Variants in AMBRA1 observed in about 807,000 individuals in gnomAD.
AMBRA1 encodes activating molecule in BECN1-regulated autophagy protein 1.
Under a neutral mutation model 125.4 loss-of-function variants are expected in AMBRA1, and 47 were observed. That is an observed-to-expected ratio of 0.37 (90% CI 0.30 to 0.48). The LOEUF (loss-of-function observed/expected upper bound fraction) is 0.48, where lower values mean the gene tolerates loss of function less well. AMBRA1 is among the 20% of genes least tolerant of loss of function. The pLI, the probability that AMBRA1 is intolerant of heterozygous loss-of-function variation, is 0.99. For synonymous variants in AMBRA1, 626 were observed against 655.5 expected (o/e 0.95, Z 0.69); for missense variants, 1,331 against 1,693.4 (o/e 0.79, Z 3.76).
At chr11:46,490,155 T>A (rs972827723) in intron 11 of AMBRA1, among the ~76,000 whole-genome samples, 4 of 152,242 alleles carry the variant, frequency 2.6e-5, no homozygotes, top group African/African-American at 9.6e-5. Flanking sequence ...TGCTACAATG[T>A]CAGCAGGGGG....
At chr11:46,494,302 TA>T in intron 9 of AMBRA1, 98 bp from the exon 10 acceptor site, 6 of 991,052 alleles carry the variant, frequency 6.1e-6, no homozygotes, top group Non-Finnish European at 9.1e-6. Flanking sequence ...TTCTTACACT[TA>T]GGAGAGGACC....
In AMBRA1 at chr11:46,475,850, A is replaced by G. The variant is rs1048333179; in HGVS notation, c.2521+17758T>C. Among the ~76,000 whole-genome samples, 4 of 152,242 alleles carry G rather than the reference A, an allele frequency of 2.6e-5. No individual in the cohort carries two copies. In the East Asian group the frequency reaches 7.7e-4, roughly 29 times the overall value. On this transcript the variant is annotated intron_variant, in intron 11 of 17. Coordinates refer to ENST00000683756, the MANE Select transcript of AMBRA1 (RefSeq NM_001387011.1). ...CAGGAAACTGTGGCATTCACAAGAA[A>G]GAAGGCAAAGAAAGCAGGCAGCTTC...
intron 12 of AMBRA1, among the ~76,000 whole-genome samples, chr11:46,442,163 G>A (rs1948045639): frequency 1.3e-5 from 2 of 150,884 alleles, no homozygotes; most frequent in African/African-American, 4.9e-5. Flanking sequence ...TTTTTTTGGA[G>A]ATAGGGTGTC....
intron 11 of AMBRA1, among the ~76,000 whole-genome samples, chr11:46,453,861 T>C (rs1044515086): frequency 6.6e-6 from 1 of 152,228 alleles, no homozygotes; most frequent in Non-Finnish European, 1.5e-5. Flanking sequence ...AGATTAATCA[T>C]TAAACAAGTT....
chr11:46,447,085 C>T lies in AMBRA1; in HGVS notation c.2522-3487G>A, dbSNP rs189548212. On this transcript the variant is annotated intron_variant, in intron 11 of 17. Coordinates refer to ENST00000683756, the MANE Select transcript of AMBRA1 (RefSeq NM_001387011.1). ...AGGGTATAATAGTACCTACAACTTA[C>T]AGGATTGTTGGAAGAACTTACTAAG... Among the ~76,000 whole-genome samples, 364 of 152,282 alleles carry T rather than the reference C, an allele frequency of 2.4e-3. 2 individuals carry two copies. The highest frequency in any genetic ancestry group is 4.2e-3 in the Admixed American group (64 of 15,304).
At chr11:46,558,126 G>C (rs777072928) in intron 1 of AMBRA1, among the ~76,000 whole-genome samples, 4 of 152,210 alleles carry the variant, frequency 2.6e-5, no homozygotes, top group African/African-American at 4.8e-5. Flanking sequence ...TTACACAGGG[G>C]AGAAGGACCA....
intron 11 of AMBRA1, among the ~76,000 whole-genome samples, chr11:46,457,114 T>C (rs974682498): frequency 3.9e-5 from 6 of 152,184 alleles, no homozygotes; most frequent in Non-Finnish European, 7.3e-5. Context: ...GGGTACAGCA[T>C]TACAGCTGAG....
At chr11:46,545,502 C>G in intron 5 of AMBRA1, 102 bp downstream of exon 5, 1 of 1,403,768 alleles carries the variant, frequency 7.1e-7, no homozygotes, top group Admixed American at 2.2e-5. Context: ...ACAACTTGCC[C>G]TGAGCAGGGA....
chr11:46,468,530 G>A (rs942625743), intron 11 of AMBRA1, among the ~76,000 whole-genome samples: 1 of 152,068 alleles, frequency 6.6e-6, no homozygotes, highest in Non-Finnish European at 1.5e-5. Context: ...CAGGCGCAGT[G>A]ACTCACGCCT....
At chr11:46,452,917 C>T (rs939632295) in intron 11 of AMBRA1, among the ~76,000 whole-genome samples, 1 of 152,224 alleles carries the variant, frequency 6.6e-6, no homozygotes, top group Admixed American at 6.5e-5. Context: ...AAAATTATAG[C>T]TTTACTGAGA....
rs752215736 is a variant in AMBRA1, at chr11:46,549,811, TTTTC to T, written c.-120-1315_-120-1312del. ...GTTTTCATTTATTTGTGACACTAGC[TTTTC>T]TTTCTTTTTTGGGGGGGGTGGGGGA... On this transcript the variant is annotated intron_variant, in intron 1 of 17. Transcript: ENST00000683756. 2.6e-5 allele frequency among the ~76,000 whole-genome samples: 4 copies of T among 151,560 alleles called. No individual in the cohort carries two copies. In the South Asian group the frequency reaches 6.3e-4, roughly 24 times the overall value.
chr11:46,542,947 G>A lies in AMBRA1; in HGVS notation c.1070C>T (p.Ser357Leu). ...EPFHPPEQASSTQQDQGLLNR... is the reference protein window; with the variant it reads ...EPFHPPEQASLTQQDQGLLNR... ...CAGGAGGCCCTGGTCCTGCTGCGTT[G>A]ACGAGGCCTGCTCCGGGGGATGGAA... Residue 357 changes from serine to leucine, a missense_variant, in exon 7 of 18, where the codon TCA becomes TTA. Ser to Leu is a moderately radical substitution (Grantham distance 145). Around this residue, in one of 4 missense-constraint regions of AMBRA1, gnomAD observed 689 missense variants for 776.5 expected, o/e 0.89. Transcript: ENST00000683756. The surrounding 1 kb of genome is among the most constrained non-coding windows in gnomAD (Gnocchi z 5.9). 6.2e-7 allele frequency: 1 copy of A among 1,608,292 alleles called. No individual in the cohort carries two copies. Among genetic ancestry groups the A allele is most frequent in the Non-Finnish European group, 8.5e-7 (1 of 1,179,982 alleles).
intron 11 of AMBRA1, among the ~76,000 whole-genome samples, chr11:46,444,468 T>C (rs1214471104): frequency 6.6e-6 from 1 of 152,230 alleles, no homozygotes; most frequent in Non-Finnish European, 1.5e-5. Context: ...CTCCTCCTTC[T>C]GAGGTGCATT....
chr11:46,467,845 T>A (rs1409230565), intron 11 of AMBRA1, among the ~76,000 whole-genome samples: 1 of 152,108 alleles, frequency 6.6e-6, no homozygotes, highest in Non-Finnish European at 1.5e-5. Context: ...TTAGAAGAGA[T>A]CTGGGAGAGA....
intron 11 of AMBRA1, among the ~76,000 whole-genome samples, chr11:46,489,107 G>A (rs1361802070): frequency 6.6e-6 from 1 of 151,924 alleles, no homozygotes; most frequent in Non-Finnish European, 1.5e-5. Context: ...GGGTACATGT[G>A]CACAACGTGC....
At chr11:46,479,182 A>G (rs1476582655) in intron 11 of AMBRA1, among the ~76,000 whole-genome samples, 1 of 151,922 alleles carries the variant, frequency 6.6e-6, no homozygotes, top group Non-Finnish European at 1.5e-5. Context: ...TGGGCAACAG[A>G]GTGAGACCCT....
intron 11 of AMBRA1, among the ~76,000 whole-genome samples, chr11:46,445,366 G>GGGGT (rs1948232162): frequency 6.6e-6 from 1 of 151,952 alleles, no homozygotes; most frequent in East Asian, 1.9e-4. Flanking sequence ...ACAGCATTTG[G>GGGGT]GGGTGTGCTG....
chr11:46,470,114 A>G (rs142288471), intron 11 of AMBRA1, among the ~76,000 whole-genome samples: 188 of 152,328 alleles, frequency 1.2e-3, no homozygotes, highest in Non-Finnish European at 2.2e-3. Context: ...AGAGCTAAAG[A>G]AAACATGCCA....
intron 7 of AMBRA1, among the ~76,000 whole-genome samples, chr11:46,531,991 C>T (rs1041648762): frequency 1.3e-5 from 2 of 152,032 alleles, no homozygotes; most frequent in Middle Eastern, 3.4e-3. Flanking sequence ...TGGTGGTGGG[C>T]GCCTGTAATC....
Sources: allele counts gnomAD v4.1 joint callset (sites outside exome capture counted in the v4.1 genomes callset), GRCh38; gene constraint gnomAD v4.1.1; regional missense constraint gnomAD v4.1.1; non-coding constraint Gnocchi (gnomAD v3.1); transcripts MANE v1.5; gene names NCBI Gene and HGNC (gene_info 2026-07-23, HGNC 2026-07-21).